The following TOP6BL variants were observed in gnomAD, a reference collection of about 807,000 sequenced individuals.
TOP6BL encodes type 2 DNA topoisomerase 6 subunit B-like.
the TOP6BL span, among the ~76,000 whole-genome samples, chr11:66,763,182 CAG>C: frequency 6.6e-6 from 1 of 152,168 alleles, no homozygotes; most frequent in African/African-American, 2.4e-5. Context: ...GCCTGGGTGA[CAG>C]AGTAAGACTG....
chr11:66,752,146 T>C, the TOP6BL span, among the ~76,000 whole-genome samples: 1 of 151,258 alleles, frequency 6.6e-6, no homozygotes, highest in Admixed American at 6.6e-5. Flanking sequence ...CTCTCTCTTT[T>C]TTTTTTTTTT....
At chr11:66,788,097 C>A in the TOP6BL span, 2 of 1,171,478 alleles carry the variant, frequency 1.7e-6, no homozygotes, top group Non-Finnish European at 1.3e-6. Context: ...ATAAACAAAT[C>A]CAGAAATCCT....
At chr11:66,761,635 C>T in the TOP6BL span, 20 of 1,211,176 alleles carry the variant, frequency 1.7e-5, no homozygotes, top group Admixed American at 4.2e-5. Flanking sequence ...CCTGGTGCTC[C>T]GGGGCTGTGC....
chr11:66,843,209 G>T, the TOP6BL span: 2 of 1,610,732 alleles, frequency 1.2e-6, no homozygotes, highest in Non-Finnish European at 1.7e-6. Flanking sequence ...CTGTCAGAGT[G>T]GCTGAGTCCC....
the TOP6BL span, chr11:66,828,617 G>A: frequency 2.5e-6 from 1 of 402,298 alleles, no homozygotes; most frequent in African/African-American, 2.0e-5. Context: ...ATTTCAGGCA[G>A]GAGGGTAGAT....
chr11:66,762,859 A>G, the TOP6BL span, among the ~76,000 whole-genome samples: 1 of 152,234 alleles, frequency 6.6e-6, no homozygotes, highest in Admixed American at 6.5e-5. Flanking sequence ...ACAAATATAT[A>G]GGAAACAATT....
the TOP6BL span, chr11:66,822,649 G>A: frequency 2.6e-6 from 4 of 1,550,146 alleles, no homozygotes; most frequent in East Asian, 2.4e-5. Flanking sequence ...AGCAGCTTCC[G>A]AAAGATGTGT....
At chr11:66,815,433 G>A in the TOP6BL span, among the ~76,000 whole-genome samples, 5 of 152,172 alleles carry the variant, frequency 3.3e-5, no homozygotes, top group African/African-American at 1.2e-4. Flanking sequence ...GCTAGAAAGT[G>A]ACCACTGGGC....
chr11:66,814,140 T>G, the TOP6BL span: 1 of 1,129,954 alleles, frequency 8.8e-7, no homozygotes, highest in Non-Finnish European at 1.2e-6. Flanking sequence ...AGGTTGGGGT[T>G]TGGGGGTCAG....
At chr11:66,795,710 T>A in the TOP6BL span, among the ~76,000 whole-genome samples, 1 of 152,098 alleles carries the variant, frequency 6.6e-6, no homozygotes, top group East Asian at 1.9e-4. Flanking sequence ...TGATTTTTTT[T>A]TTTTCAAGAG....
the TOP6BL span, among the ~76,000 whole-genome samples, chr11:66,803,081 G>T: frequency 7.9e-5 from 12 of 152,126 alleles, no homozygotes; most frequent in African/African-American, 2.9e-4. Context: ...AGATGGCCTG[G>T]TTTTTTCTCA....
At chr11:66,841,547 C>G in the TOP6BL span, among the ~76,000 whole-genome samples, 1 of 152,324 alleles carries the variant, frequency 6.6e-6, no homozygotes, top group Middle Eastern at 3.4e-3. Flanking sequence ...CTTCCTGTCT[C>G]TAGTTTGATC....
the TOP6BL span, among the ~76,000 whole-genome samples, chr11:66,760,444 C>G: frequency 1.2e-4 from 17 of 139,406 alleles, no homozygotes; most frequent in South Asian, 2.4e-4. Flanking sequence ...GTGAGAGACT[C>G]TGTCTCAAAA....
At chr11:66,807,574 A>C in the TOP6BL span, among the ~76,000 whole-genome samples, 1 of 152,188 alleles carries the variant, frequency 6.6e-6, no homozygotes, top group Non-Finnish European at 1.5e-5. Context: ...TCCATCTCAA[A>C]AAACAAACAA....
the TOP6BL span, among the ~76,000 whole-genome samples, chr11:66,833,386 G>A: frequency 6.6e-6 from 1 of 152,052 alleles, no homozygotes. Context: ...CTTGCGATCT[G>A]GAATTACATG....
the TOP6BL span, among the ~76,000 whole-genome samples, chr11:66,764,379 C>CGCGGT: frequency 6.6e-6 from 1 of 151,530 alleles, no homozygotes; most frequent in Non-Finnish European, 1.5e-5. Flanking sequence ...ATCGGCCGGG[C>CGCGGT]GCGGTGGCTC....
chr11:66,824,002 A>C, the TOP6BL span, among the ~76,000 whole-genome samples: 1 of 152,170 alleles, frequency 6.6e-6, no homozygotes, highest in East Asian at 1.9e-4. Context: ...TCATTTACTT[A>C]TTAGTTATGT....
chr11:66,751,800 A>C, the TOP6BL span, among the ~76,000 whole-genome samples: 1 of 152,178 alleles, frequency 6.6e-6, no homozygotes, highest in Non-Finnish European at 1.5e-5. Flanking sequence ...TCATGACCAT[A>C]AAATGCAGTT....
chr11:66,796,360 C>T, the TOP6BL span: 2 of 1,603,128 alleles, frequency 1.2e-6, no homozygotes, highest in East Asian at 2.2e-5. Context: ...ATGGTGCACC[C>T]TAAGGTAAGC....
Sources: allele counts gnomAD v4.1 joint callset (sites outside exome capture counted in the v4.1 genomes callset), GRCh38; gene constraint gnomAD v4.1.1; transcripts MANE v1.5; gene names NCBI Gene and HGNC (gene_info 2026-07-23, HGNC 2026-07-21).